DIS3L2: variants seen among roughly 807,000 people sequenced by gnomAD.
DIS3L2 encodes the protein DIS3 like 3'-5' exoribonuclease 2.
DIS3L2 carries 34 observed loss-of-function variants against 97.5 expected under a neutral mutation model. That is an observed-to-expected ratio of 0.35 (90% CI 0.27 to 0.46). The LOEUF (loss-of-function observed/expected upper bound fraction) is 0.46. Ranked by LOEUF, DIS3L2 falls within the 20% of genes least tolerant of loss-of-function variation. DIS3L2 has a pLI of 1.00. For missense variants in DIS3L2, 1,038 were observed against 1,146.0 expected, an observed-to-expected ratio of 0.91 and a Z score of 1.36; for synonymous variants, 435 against 445.2, an observed-to-expected ratio of 0.98 and a Z score of 0.29.
intron 14 of DIS3L2, among the ~76,000 whole-genome samples, chr2:232,304,060 A>G (rs1484237624): frequency 1.3e-5 from 2 of 151,910 alleles, no homozygotes; most frequent in East Asian, 3.9e-4. Context: ...TCCACCCTGA[A>G]TTATTCTGTC....
At chr2:232,062,040 A>C (rs1033954271) in intron 5 of DIS3L2, among the ~76,000 whole-genome samples, 1 of 146,294 alleles carries the variant, frequency 6.8e-6, no homozygotes, top group Non-Finnish European at 1.5e-5. Context: ...GTCATTACTT[A>C]TTCAGAGATC....
chr2:232,149,620 A>G (rs1263558687), intron 8 of DIS3L2, among the ~76,000 whole-genome samples: 6 of 127,132 alleles, frequency 4.7e-5, no homozygotes, highest in African/African-American at 2.1e-4. Flanking sequence ...GGTTGGTTCC[A>G]AGTCTTTGCT....
At chr2:232,058,429 G>A (rs1695606712) in intron 5 of DIS3L2, among the ~76,000 whole-genome samples, 1 of 152,148 alleles carries the variant, frequency 6.6e-6, no homozygotes. Flanking sequence ...TGGGTGGAGG[G>A]TACTGAGTGG....
In DIS3L2 at chr2:232,249,345, A is replaced by G; in HGVS notation, c.1424A>G (p.Lys475Arg). 2 of 1,614,088 alleles carry G rather than the reference A, an allele frequency of 1.2e-6. No homozygotes were observed. Among genetic ancestry groups the G allele is most frequent in the Non-Finnish European group, 1.7e-6 (2 of 1,179,968 alleles). ...ATCTGGACACTGACTCCAGAGGGCA[A>G]GGTAACAACTTACACGTTTTCTTTC... Reference protein sequence around the residue: ...SVIWTLTPEGKILDEWFGRTI... With the variant: ...SVIWTLTPEGRILDEWFGRTI... Residue 475 changes from lysine (K) to arginine (R), a missense_variant and splice_region_variant, in exon 12 of 21, where the codon AAG becomes AGG. Coordinates refer to ENST00000325385, the MANE Select transcript of DIS3L2 (RefSeq NM_152383.5).
intron 14 of DIS3L2, among the ~76,000 whole-genome samples, chr2:232,300,751 C>T (rs564688586): frequency 1.3e-5 from 2 of 151,032 alleles, no homozygotes; most frequent in African/African-American, 4.9e-5. Flanking sequence ...AACTCCCGGG[C>T]TCAAGTGATC....
rs368468992 is a variant in DIS3L2, at chr2:232,015,495, T to C, written c.53-19T>C. The C allele has an allele frequency of 5.6e-6, 9 of 1,608,868 alleles. No homozygotes were observed. In the African/African-American group the frequency reaches 1.2e-4, roughly 22 times the overall value. On this transcript the variant is annotated intron_variant, in intron 2 of 20. Transcript: ENST00000325385. Reference sequence around the variant, plus strand: ...ACAGATGTTTGAGGAAAGAGTTGATTGCTGCCTCCTGTTTCTAGGTGTGTC... The same window carrying C: ...ACAGATGTTTGAGGAAAGAGTTGATCGCTGCCTCCTGTTTCTAGGTGTGTC...
intron 6 of DIS3L2, among the ~76,000 whole-genome samples, chr2:232,110,756 T>A (rs913999825): frequency 6.6e-6 from 1 of 152,156 alleles, no homozygotes; most frequent in African/African-American, 2.4e-5. Context: ...GATGTTGGGC[T>A]TAACACCTGG....
chr2:232,329,788 C>CG, intron 14 of DIS3L2, 25 bp from the exon 15 acceptor site: 77 of 1,080,562 alleles, frequency 7.1e-5, no homozygotes, highest in Middle Eastern at 6.4e-4. Flanking sequence ...CCAGCGGTCC[C>CG]TCCCATCCCA....
At position 232,092,873 on chromosome 2, in the gene DIS3L2, G is replaced by T. The variant is rs556141794; in HGVS notation, c.601+5152G>T. Among the ~76,000 whole-genome samples, 3 of 152,222 alleles carry T rather than the reference G, an allele frequency of 2.0e-5. No homozygotes were observed. The South Asian group carries it at 6.2e-4, about 32-fold the overall frequency. On this transcript the variant is annotated intron_variant, in intron 6 of 20. Coordinates refer to ENST00000325385, the MANE Select transcript of DIS3L2 (RefSeq NM_152383.5). The stretch of plus-strand genomic sequence containing the variant: ...TGACTTCTTCCTTTCCAATTTGGGT[G>T]CCCTTTATTTCTTTCTCTTGTCTGA...
At chr2:232,290,655 T>C (rs1433064746) in intron 13 of DIS3L2, among the ~76,000 whole-genome samples, 2 of 152,192 alleles carry the variant, frequency 1.3e-5, no homozygotes, top group Non-Finnish European at 2.9e-5. Flanking sequence ...CATTGAAGAA[T>C]CCTTGTCCTG....
intron 14 of DIS3L2, among the ~76,000 whole-genome samples, chr2:232,312,742 C>T (rs776631351): frequency 3.3e-5 from 5 of 152,154 alleles, no homozygotes; most frequent in Non-Finnish European, 7.4e-5. Flanking sequence ...TGGTACCTCC[C>T]TCTATTTAGA....
intron 4 of DIS3L2, among the ~76,000 whole-genome samples, chr2:232,026,323 T>C (rs1694655331): frequency 6.6e-6 from 1 of 152,102 alleles, no homozygotes; most frequent in Admixed American, 6.6e-5. Flanking sequence ...TGAGTTCAAA[T>C]GTAGAATTCT....
chr2:232,056,068 T>C (rs1305720720), intron 5 of DIS3L2, among the ~76,000 whole-genome samples: 1 of 152,140 alleles, frequency 6.6e-6, no homozygotes. Flanking sequence ...CAAAAATTTC[T>C]TAAACAGGAC....
At position 232,227,841 on chromosome 2, in the gene DIS3L2, C is replaced by T. The variant is rs76883716; in HGVS notation, c.1205-10692C>T. On this transcript the variant is annotated intron_variant, in intron 10 of 20. Coordinates refer to ENST00000325385, the MANE Select transcript of DIS3L2 (RefSeq NM_152383.5). ...ATTGGATTAAGCAGTTAACAGTTAA[C>T]GTTTAGTTTATAGGCATTTTAATAC... 4.1e-3 allele frequency among the ~76,000 whole-genome samples: 618 copies of T among 152,194 alleles called. 28 individuals carry two copies. In the East Asian group the frequency reaches 0.1, roughly 25 times the overall value.
chr2:232,066,345 G>A (rs1227104317), intron 5 of DIS3L2, among the ~76,000 whole-genome samples: 1 of 151,922 alleles, frequency 6.6e-6, no homozygotes, highest in Non-Finnish European at 1.5e-5. Context: ...AATAGAAGTT[G>A]AATTATGTCA....
chr2:232,342,220 CACATACATAT>C (rs1425665674), intron 13 of DIS3L2, among the ~76,000 whole-genome samples: 1 of 147,234 alleles, frequency 6.8e-6, no homozygotes, highest in Admixed American at 6.7e-5. Flanking sequence ...CACATATATA[CACATACATAT>C]ATACACATAC....
chr2:232,055,266 A>AGGATTG (rs1482822334), intron 5 of DIS3L2, among the ~76,000 whole-genome samples: 1 of 152,200 alleles, frequency 6.6e-6, no homozygotes, highest in African/African-American at 2.4e-5. Context: ...AAAAGACATG[A>AGGATTG]GGATTGGGAA....
chr2:232,253,193 C>T (rs1693464481), intron 12 of DIS3L2, among the ~76,000 whole-genome samples: 1 of 152,180 alleles, frequency 6.6e-6, no homozygotes, highest in African/African-American at 2.4e-5. Context: ...AATTTTTACT[C>T]CTCTGTCCAG....
At chr2:232,305,280 G>A (rs1347178405) in intron 14 of DIS3L2, among the ~76,000 whole-genome samples, 1 of 152,048 alleles carries the variant, frequency 6.6e-6, no homozygotes, top group Non-Finnish European at 1.5e-5. Context: ...ATTTCGCCAT[G>A]TTGGCCAGGC....
Sources: gnomAD v4.1 joint callset for allele counts (sites outside exome capture counted in the v4.1 genomes callset) on GRCh38, gnomAD v4.1.1 for gene constraint, MANE v1.5 for transcripts, NCBI Gene and HGNC (gene_info 2026-07-23, HGNC 2026-07-21) for gene names.